Variants in TNPO3 observed in about 807,000 individuals in gnomAD.
TNPO3 encodes transportin 3, also known as transportin-3.
Under a neutral mutation model 122.8 loss-of-function variants are expected in TNPO3, and 65 were observed. That is an observed-to-expected ratio of 0.53 (90% CI 0.43 to 0.65). The LOEUF (loss-of-function observed/expected upper bound fraction) is 0.65, where lower values mean the gene tolerates loss of function less well. Among genes scored for constraint, TNPO3 ranks in the 30% least tolerant of loss-of-function variants. TNPO3 has a pLI of 0.00. For missense variants in TNPO3, 850 were observed against 1,136.7 expected (o/e 0.75, Z 3.63); for synonymous variants, 372 against 411.2 (o/e 0.90, Z 1.15).
intron 11 of TNPO3, among the ~76,000 whole-genome samples, chr7:128,987,589 A>G (rs1474052225): frequency 2.0e-5 from 3 of 152,044 alleles, no homozygotes; most frequent in Non-Finnish European, 4.4e-5. Flanking sequence ...AAAACCATAT[A>G]TTGTTTTTGG....
rs1212516850 is a variant in TNPO3, at chr7:128,979,179, A to G, written c.1921-56T>C. 5.6e-6 allele frequency: 9 copies of G among 1,602,440 alleles called. No homozygotes were observed. In the East Asian group the frequency reaches 6.7e-5, roughly 12 times the overall value. On this transcript the variant is annotated intron_variant, in intron 15 of 22. Coordinates refer to ENST00000265388, the MANE Select transcript of TNPO3 (RefSeq NM_012470.4). ...AAAATAATCAACAACTAGGACCTGA[A>G]AAACTGCTAAGTTGGTAACACCTCA... is the stretch of plus-strand genomic sequence containing the variant.
At chr7:129,029,754 G>A (rs749383624) in intron 1 of TNPO3, 4 of 152,146 alleles carry the variant, frequency 2.6e-5, no homozygotes, top group Non-Finnish European at 5.9e-5. Flanking sequence ...CCGTCGCGGT[G>A]GCTCATGCCT....
At chr7:128,963,403 C>T (rs983622397) in intron 21 of TNPO3, among the ~76,000 whole-genome samples, 3 of 152,204 alleles carry the variant, frequency 2.0e-5, no homozygotes, top group Admixed American at 6.5e-5. Context: ...CAGAGAGAAG[C>T]AACTACTACA....
intron 19 of TNPO3, 125 bp downstream of exon 19, chr7:128,972,301 A>G (rs1798570887): frequency 9.1e-7 from 1 of 1,104,620 alleles, no homozygotes; most frequent in Non-Finnish European, 1.3e-6. Flanking sequence ...ATGATCCACT[A>G]TGATATATGT....
intron 4 of TNPO3, among the ~76,000 whole-genome samples, chr7:129,011,902 T>G (rs991789185): frequency 6.6e-6 from 1 of 152,220 alleles, no homozygotes; most frequent in Admixed American, 6.5e-5. Flanking sequence ...TATTTTCTAA[T>G]TTTCCATAAA....
At chr7:128,982,427 TTATA>T (rs1029073866) in intron 13 of TNPO3, 103 bp from the exon 14 acceptor site, 2 of 978,130 alleles carry the variant, frequency 2.0e-6, no homozygotes, top group African/African-American at 1.6e-5. Context: ...GCTTATTTCC[TTATA>T]TAAAGTCCTA....
intron 11 of TNPO3, among the ~76,000 whole-genome samples, chr7:128,987,391 C>T (rs948943197): frequency 6.6e-6 from 1 of 152,120 alleles, no homozygotes; most frequent in Non-Finnish European, 1.5e-5. Context: ...TACAAAAGGC[C>T]TTAAAAATAG....
chr7:128,984,075 A>T, intron 13 of TNPO3, 93 bp downstream of exon 13: 1 of 701,654 alleles, frequency 1.4e-6, no homozygotes, highest in Non-Finnish European at 2.2e-6. Flanking sequence ...TTTTCTAGGT[A>T]GACAAAAGAT....
intron 21 of TNPO3, among the ~76,000 whole-genome samples, chr7:128,958,563 T>C (rs1273456340): frequency 2.0e-5 from 3 of 152,240 alleles, no homozygotes; most frequent in Admixed American, 1.3e-4. Flanking sequence ...CATCTCATAA[T>C]GGTTAAACAC....
At chr7:128,991,744 G>C (rs1488304819) in intron 10 of TNPO3, among the ~76,000 whole-genome samples, 1 of 152,102 alleles carries the variant, frequency 6.6e-6, no homozygotes, top group African/African-American at 2.4e-5. Context: ...GCCTCAGTTG[G>C]AAAAATAAAT....
Position 128,990,030 on chromosome 7 carries a change from C to A in TNPO3, c.1429G>T (p.Val477Leu), listed in dbSNP as rs778232022. ...ACCAATTCAATGCTGGTGTATCGCA[C>A]AGCCGTATGTACGGTCTCCGGGAGG... ...VRLPETVHTA[V>L]RYTSIELVGE... Residue 477 changes from valine to leucine, a missense_variant, in exon 11 of 23, where the codon GTG (valine) becomes TTG (leucine). Transcript: ENST00000265388. The A allele has an allele frequency of 1.2e-6, 2 of 1,614,228 alleles. No individual in the cohort carries two copies. The highest frequency in any genetic ancestry group is 1.7e-6 in the Non-Finnish European group (2 of 1,180,036).
rs1796801695 is a variant in TNPO3 at position 128,955,392 on chromosome 7, A to G, written c.*32-7T>C. ...CTAATTAAAAAAGACATTCCTGACA[A>G]AAGAGATAAGACAGTCAATAACTGC... On this transcript the variant is annotated splice_polypyrimidine_tract_variant and splice_region_variant and intron_variant, in intron 22 of 22. Coordinates refer to ENST00000265388, the MANE Select transcript of TNPO3 (RefSeq NM_012470.4). 1 of 455,780 alleles carries G rather than the reference A, an allele frequency of 2.2e-6. No individual in the cohort carries two copies. The highest frequency in any genetic ancestry group is 4.4e-6 in the Non-Finnish European group (1 of 226,694). 28.2% of individuals were successfully genotyped at this position (455,780 alleles called of 1,614,324 possible).
chr7:129,042,943 G>C (rs557284784), intron 1 of TNPO3, among the ~76,000 whole-genome samples: 39 of 151,858 alleles, frequency 2.6e-4, no homozygotes, highest in Admixed American at 2.4e-3. Context: ...AAATACACTT[G>C]GGTATACATA....
rs1805369085 is a variant in TNPO3 at position 129,027,580 on chromosome 7, A to C, written c.121-9423T>G. ...TCTCAAAAAAAAAAAAAAAAAAAAAAAAAAAAAAAAACAACACAAAAAATT... is the reference window on the plus strand; with the variant it reads ...TCTCAAAAAAAAAAAAAAAAAAAAACAAAAAAAAAAACAACACAAAAAATT... On this transcript the variant is annotated intron_variant, in intron 1 of 22. Coordinates refer to ENST00000265388, the MANE Select transcript of TNPO3 (RefSeq NM_012470.4). 2.9e-5 allele frequency among the ~76,000 whole-genome samples: 4 copies of C among 138,200 alleles called. 1 individual carries two copies. Among genetic ancestry groups the C allele is most frequent in the African/African-American group, 7.9e-5 (3 of 37,876 alleles). The allele number at this position is 138,200 out of a possible 152,430, so 90.7% of individuals were successfully genotyped here.
chr7:129,028,161 G>A (rs748050198), intron 1 of TNPO3, among the ~76,000 whole-genome samples: 2 of 152,072 alleles, frequency 1.3e-5, no homozygotes, highest in Non-Finnish European at 2.9e-5. Context: ...GTGGCTAAAA[G>A]GACATCCACA....
At chr7:128,980,865 T>C (rs550552036) in intron 14 of TNPO3, among the ~76,000 whole-genome samples, 10 of 152,310 alleles carry the variant, frequency 6.6e-5, no homozygotes, top group Admixed American at 2.0e-4. Flanking sequence ...ATAGGAACTG[T>C]AGTCCAAAGA....
intron 19 of TNPO3, 139 bp from the exon 20 acceptor site, chr7:128,970,454 G>A: frequency 1.5e-6 from 1 of 672,278 alleles, no homozygotes; most frequent in Admixed American, 3.3e-5. Flanking sequence ...GTGTGTGTAT[G>A]CAGGTGTGTG....
intron 1 of TNPO3, among the ~76,000 whole-genome samples, chr7:129,043,773 C>T (rs1372923575): frequency 1.3e-5 from 2 of 152,220 alleles, no homozygotes; most frequent in Non-Finnish European, 2.9e-5. Flanking sequence ...TCAAGCATTA[C>T]TCGATAATCT....
At chr7:128,973,881 A>G (rs562206697) in intron 18 of TNPO3, among the ~76,000 whole-genome samples, 1 of 151,690 alleles carries the variant, frequency 6.6e-6, no homozygotes, top group East Asian at 1.9e-4. Context: ...AAAGGGTTCA[A>G]TATTCAATCC....
Sources: allele counts gnomAD v4.1 joint callset (sites outside exome capture counted in the v4.1 genomes callset), GRCh38; gene constraint gnomAD v4.1.1; transcripts MANE v1.5; gene names NCBI Gene and HGNC (gene_info 2026-07-23, HGNC 2026-07-21).